Variants in ZNF385D observed in about 807,000 individuals in gnomAD.
ZNF385D encodes zinc finger protein 385D, also known as zinc finger protein 659.
ZNF385D carries 15 observed loss-of-function variants against 35.8 expected under a neutral mutation model. The ratio of observed to expected loss-of-function variants is 0.42; its 90% confidence interval spans 0.28 to 0.64. The LOEUF (loss-of-function observed/expected upper bound fraction) is 0.64, where lower values mean the gene tolerates loss of function less well. ZNF385D is among the 30% of genes least tolerant of loss of function. The pLI, the probability that ZNF385D is intolerant of heterozygous loss-of-function variation, is 0.23. For missense variants in ZNF385D, 474 were observed against 494.6 expected, an observed-to-expected ratio of 0.96 and a Z score of 0.39; for synonymous variants, 212 against 186.8, an observed-to-expected ratio of 1.13 and a Z score of -1.10.
intron 1 of ZNF385D, among the ~76,000 whole-genome samples, chr3:21,674,407 T>C (rs1490135336): frequency 6.6e-6 from 1 of 152,102 alleles, no homozygotes; most frequent in African/African-American, 2.4e-5. Flanking sequence ...ATAAGCCTGA[T>C]AGGCATAGAA....
chr3:21,995,447 G>A (rs1320740293), intron 3 of ZNF385D, among the ~76,000 whole-genome samples: 1 of 152,058 alleles, frequency 6.6e-6, no homozygotes, highest in Non-Finnish European at 1.5e-5. Context: ...TGACATGCTT[G>A]GGCACTGGCA....
chr3:21,933,467 T>A, intron 3 of ZNF385D, among the ~76,000 whole-genome samples: 1 of 152,204 alleles, frequency 6.6e-6, no homozygotes, highest in East Asian at 1.9e-4. Flanking sequence ...TACACAGAAT[T>A]TGTCCCCATT....
intron 3 of ZNF385D, among the ~76,000 whole-genome samples, chr3:21,776,402 G>A (rs1330281498): frequency 2.0e-5 from 3 of 151,864 alleles, no homozygotes; most frequent in Admixed American, 1.3e-4. Flanking sequence ...CGTGTGTGAC[G>A]GCTCAGTTTT....
intron 2 of ZNF385D, among the ~76,000 whole-genome samples, chr3:22,302,118 A>T (rs956322621): frequency 5.3e-5 from 8 of 152,022 alleles, no homozygotes; most frequent in African/African-American, 1.9e-4. Flanking sequence ...AATATTTATA[A>T]ACTGTACAGC....
intron 2 of ZNF385D, among the ~76,000 whole-genome samples, chr3:22,337,180 T>TA (rs1249504701): frequency 6.6e-5 from 10 of 152,182 alleles, no homozygotes; most frequent in African/African-American, 2.4e-4. Context: ...ATTTTTTTTT[T>TA]AATGTGCTAT....
intron 3 of ZNF385D, among the ~76,000 whole-genome samples, chr3:22,048,025 T>C (rs187202337): frequency 6.6e-6 from 1 of 152,184 alleles, no homozygotes; most frequent in South Asian, 2.1e-4. Context: ...CATTTACTTG[T>C]GGTCATTTCT....
chr3:22,255,859 T>A (rs1186262764), intron 2 of ZNF385D, among the ~76,000 whole-genome samples: 1 of 151,598 alleles, frequency 6.6e-6, no homozygotes, highest in Non-Finnish European at 1.5e-5. Context: ...AGTGTCAAGT[T>A]GATTGGATTG....
intron 3 of ZNF385D, among the ~76,000 whole-genome samples, chr3:22,096,127 A>T (rs183347642): frequency 6.0e-3 from 907 of 151,748 alleles, no homozygotes; most frequent in Non-Finnish European, 6.2e-3. Context: ...AGGTAAAAAA[A>T]ATATATATAC....
rs1696121046 is a variant in ZNF385D, at chr3:22,355,751, A to G, written c.106+16699T>C. Among the ~76,000 whole-genome samples the G allele has an allele frequency of 2.0e-5, 3 of 152,064 alleles. 1 individual carries two copies. Among genetic ancestry groups the G allele is most frequent in the Admixed American group, 2.0e-4 (3 of 15,242 alleles). On this transcript the variant is annotated intron_variant, in intron 2 of 5. Coordinates refer to the ZNF385D transcript ENST00000494108. ...TATGGAATTAAATCATCTATAGAGT[A>G]TAAGAAAGGAACATTCATTTGTCCT...
At chr3:21,748,936 A>G (rs991510492) in intron 1 of ZNF385D, among the ~76,000 whole-genome samples, 4 of 151,830 alleles carry the variant, frequency 2.6e-5, no homozygotes, top group Non-Finnish European at 5.9e-5. Flanking sequence ...TTTTTTTTTT[A>G]GAGACAGGTG....
chr3:21,782,957 A>G (rs2071548942), intron 3 of ZNF385D, among the ~76,000 whole-genome samples: 1 of 152,098 alleles, frequency 6.6e-6, no homozygotes, highest in African/African-American at 2.4e-5. Context: ...TTGCATTCCA[A>G]CTCGAAGAAG....
At chr3:21,862,521 C>A (rs963052224) in intron 3 of ZNF385D, among the ~76,000 whole-genome samples, 2 of 152,100 alleles carry the variant, frequency 1.3e-5, no homozygotes, top group African/African-American at 4.8e-5. Context: ...AATAAGGAAG[C>A]CATGGCAACT....
chr3:22,020,092 G>T (rs533536133), intron 3 of ZNF385D, among the ~76,000 whole-genome samples: 3 of 151,614 alleles, frequency 2.0e-5, no homozygotes, highest in Non-Finnish European at 3.0e-5. Flanking sequence ...AAATATTTTG[G>T]TTAAAAAGAA....
chr3:22,092,337 C>T (rs761523753), intron 3 of ZNF385D, among the ~76,000 whole-genome samples: 13 of 152,174 alleles, frequency 8.5e-5, no homozygotes, highest in Non-Finnish European at 1.5e-4. Flanking sequence ...GCTCCTACAA[C>T]ACAGCTTGTT....
At chr3:21,989,021 G>T (rs1694990884) in intron 3 of ZNF385D, among the ~76,000 whole-genome samples, 1 of 152,046 alleles carries the variant, frequency 6.6e-6, no homozygotes, top group South Asian at 2.1e-4. Flanking sequence ...CTCGCGCACG[G>T]TGCGCGCACC....
At chr3:21,819,117 C>G (rs1405269183) in intron 3 of ZNF385D, among the ~76,000 whole-genome samples, 5 of 151,784 alleles carry the variant, frequency 3.3e-5, no homozygotes, top group Non-Finnish European at 7.4e-5. Context: ...TATAAATATA[C>G]TGTTAAGTGC....
intron 2 of ZNF385D, among the ~76,000 whole-genome samples, chr3:22,349,353 G>T (rs752953253): frequency 5.9e-5 from 9 of 152,172 alleles, no homozygotes; most frequent in Non-Finnish European, 1.0e-4. Flanking sequence ...GTTCCTAGGG[G>T]ACTTGCGTAG....
intron 2 of ZNF385D, among the ~76,000 whole-genome samples, chr3:22,310,741 C>T (rs1703493522): frequency 6.6e-6 from 1 of 151,784 alleles, no homozygotes; most frequent in African/African-American, 2.4e-5. Context: ...ATTATATACG[C>T]TGTTTTCATT....
intron 2 of ZNF385D, among the ~76,000 whole-genome samples, chr3:22,287,135 TTTTC>T (rs1412993548): frequency 6.6e-6 from 1 of 152,044 alleles, no homozygotes; most frequent in Non-Finnish European, 1.5e-5. Flanking sequence ...ATGGCCTTCT[TTTTC>T]TTTTGTGACA....
Sources: gnomAD v4.1 joint callset for allele counts (sites outside exome capture counted in the v4.1 genomes callset) on GRCh38, gnomAD v4.1.1 for gene constraint, MANE v1.5 for transcripts, NCBI Gene and HGNC (gene_info 2026-07-23, HGNC 2026-07-21) for gene names.